Variants in CHD2 observed in about 807,000 individuals in gnomAD.
CHD2 encodes the protein ATP-dependent chromatin remodeler CHD2.
Under a neutral mutation model 243.9 loss-of-function variants are expected in CHD2, and 28 were observed. The observed-to-expected ratio is 0.11, with a 90% CI of 0.09 to 0.16. The LOEUF is 0.16. Ranked by LOEUF, CHD2 falls within the 10% of genes least tolerant of loss-of-function variation. CHD2 has a pLI of 1.00. For synonymous variants in CHD2, 775 were observed against 779.0 expected (o/e 0.99, Z 0.09); for missense variants, 1,386 against 2,209.8 (o/e 0.63, Z 7.47).
intron 12 of CHD2, among the ~76,000 whole-genome samples, chr15:92,948,197 T>C (rs1469698694): frequency 6.6e-6 from 1 of 152,100 alleles, no homozygotes; most frequent in Non-Finnish European, 1.5e-5. Context: ...AAAACCAAAT[T>C]CACGCAATTA....
intron 5 of CHD2, among the ~76,000 whole-genome samples, chr15:92,931,466 A>G (rs928678275): frequency 7.9e-5 from 12 of 152,082 alleles, no homozygotes; most frequent in African/African-American, 1.9e-4. Context: ...TGCAGCCTCA[A>G]TCTCCTGAGC....
rs2054203677 is a variant in CHD2, at chr15:92,997,624, G to A, written c.3885+221G>A. ...GTGAAATTTTGGGGAAACTGTAGGAGAAATCTTAAAATTCTGGTATTTAAT... is the reference window on the plus strand; with the variant it reads ...GTGAAATTTTGGGGAAACTGTAGGAAAAATCTTAAAATTCTGGTATTTAAT... On this transcript the variant is annotated intron_variant, in intron 30 of 38. Transcript: ENST00000394196. The surrounding 1 kb of genome is among the most constrained non-coding windows in gnomAD (Gnocchi z 4.1). 1 of 367,360 alleles carries A rather than the reference G, an allele frequency of 2.7e-6. No homozygotes were observed. The highest frequency in any genetic ancestry group is 2.1e-5 in the African/African-American group (1 of 47,530). 22.8% of individuals were successfully genotyped at this position (367,360 alleles called of 1,614,324 possible).
intron 26 of CHD2, 134 bp downstream of exon 26, chr15:92,985,807 C>T: frequency 1.3e-6 from 1 of 795,694 alleles, no homozygotes; most frequent in Non-Finnish European, 1.9e-6. Flanking sequence ...AAGCTGGGTC[C>T]TGTCCCAGAT....
chr15:92,904,650 G>A, intron 2 of CHD2: 8 of 1,264,594 alleles, frequency 6.3e-6, no homozygotes, highest in South Asian at 1.8e-5. Flanking sequence ...TCTTTGAGAA[G>A]CGGCTGCTTT....
At chr15:92,919,839 A>G (rs2052921077) in intron 2 of CHD2, among the ~76,000 whole-genome samples, 1 of 152,240 alleles carries the variant, frequency 6.6e-6, no homozygotes, top group South Asian at 2.1e-4. Context: ...TACTTAAGGT[A>G]TATAATGAAG....
chr15:93,006,451 G>A (rs924387942), intron 34 of CHD2, among the ~76,000 whole-genome samples: 5 of 152,042 alleles, frequency 3.3e-5, no homozygotes, highest in Admixed American at 6.6e-5. Context: ...CCTCCCAGAC[G>A]TAACCATGAT....
At chr15:92,913,316 T>TAAG (rs2052775250) in intron 2 of CHD2, among the ~76,000 whole-genome samples, 1 of 152,120 alleles carries the variant, frequency 6.6e-6, no homozygotes, top group Non-Finnish European at 1.5e-5. Context: ...TAAAATAGAG[T>TAAG]AAGGGTAGTA....
intron 16 of CHD2, among the ~76,000 whole-genome samples, chr15:92,962,951 C>G (rs1311930645): frequency 2.0e-5 from 3 of 152,104 alleles, no homozygotes; most frequent in Non-Finnish European, 4.4e-5. Context: ...TATTATAGCT[C>G]CTCAGCTCTC....
At chr15:92,965,565 CAAAAAAAAAAAAAAAAAAA>C (rs61447848) in intron 16 of CHD2, among the ~76,000 whole-genome samples, 1 of 111,064 alleles carries the variant, frequency 9.0e-6, no homozygotes, top group Non-Finnish European at 1.7e-5. Flanking sequence ...ACTCTTTCTC[CAAAAAAAAAAAAAAAAAAA>C]AAAAAAAAAA....
At chr15:92,904,661 T>C in intron 2 of CHD2, 1 of 1,286,100 alleles carries the variant, frequency 7.8e-7, no homozygotes, top group Admixed American at 3.7e-5. Flanking sequence ...CGGCTGCTTT[T>C]GGAGAAAAAG....
intron 37 of CHD2, among the ~76,000 whole-genome samples, chr15:93,018,381 G>A (rs1295675824): frequency 2.6e-5 from 4 of 152,156 alleles, no homozygotes; most frequent in African/African-American, 9.7e-5. Flanking sequence ...TAATGGTGTT[G>A]TTCTTCAGCT....
chr15:92,907,704 T>C (rs1227553370), intron 2 of CHD2, among the ~76,000 whole-genome samples: 1 of 152,220 alleles, frequency 6.6e-6, no homozygotes, highest in Non-Finnish European at 1.5e-5. Context: ...TTAAATAATA[T>C]AGTGCCCATA....
At chr15:92,975,462 A>G (rs975581931) in intron 20 of CHD2, among the ~76,000 whole-genome samples, 1 of 152,214 alleles carries the variant, frequency 6.6e-6, no homozygotes, top group African/African-American at 2.4e-5. Flanking sequence ...TAGAAGAGCT[A>G]CTTAGGATGA....
rs190993194 is a variant in CHD2 at position 93,025,954 on chromosome 15, C to T, written c.*1249C>T. 13 of 152,648 alleles carry T rather than the reference C, an allele frequency of 8.5e-5. No homozygotes were observed. The highest frequency in any genetic ancestry group is 2.9e-4 in the African/African-American group (12 of 41,566). 9.5% of individuals were successfully genotyped at this position (152,648 alleles called of 1,614,324 possible). ...AATTCAGTTTCTCTTAGAATATAAT[C>T]AGGTATAAACCTAAGTTAAACTTTT... On this transcript the variant is annotated 3_prime_UTR_variant, in exon 39 of 39. Transcript: ENST00000394196.
At chr15:92,951,751 A>G (rs77459173) in intron 13 of CHD2, among the ~76,000 whole-genome samples, 4,858 of 152,344 alleles carry the variant, frequency 0.032, 99 homozygotes, top group South Asian at 0.084. Context: ...GGAATATACT[A>G]CATCGTTTAA....
At chr15:93,008,765 A>C (rs1236898075) in intron 34 of CHD2, among the ~76,000 whole-genome samples, 1 of 152,150 alleles carries the variant, frequency 6.6e-6, no homozygotes. Flanking sequence ...GGATTTGCAA[A>C]TATTATATCC....
At chr15:92,904,448 CG>C in intron 2 of CHD2, 1 of 988,510 alleles carries the variant, frequency 1.0e-6, no homozygotes, top group African/African-American at 1.7e-5. Flanking sequence ...GTGCGCATGT[CG>C]GGCGCTTTCT....
At chr15:93,021,003 A>G (rs986733350) in intron 38 of CHD2, 5 of 152,116 alleles carry the variant, frequency 3.3e-5, no homozygotes, top group African/African-American at 1.2e-4. Flanking sequence ...ACCCTTCTCT[A>G]TTGTCTGGAC....
intron 20 of CHD2, among the ~76,000 whole-genome samples, chr15:92,977,747 G>T (rs916981999): frequency 1.3e-5 from 2 of 152,136 alleles, no homozygotes; most frequent in African/African-American, 2.4e-5. Context: ...TACCATATAT[G>T]ATCTCTTTAG....
Sources: gnomAD v4.1 joint callset for allele counts (sites outside exome capture counted in the v4.1 genomes callset) on GRCh38, gnomAD v4.1.1 for gene constraint, Gnocchi (gnomAD v3.1) non-coding constraint, MANE v1.5 for transcripts, NCBI Gene and HGNC (gene_info 2026-07-23, HGNC 2026-07-21) for gene names.